Variants in R3HDM2 observed in about 807,000 individuals in gnomAD.
R3HDM2 encodes the protein R3H domain-containing protein 2.
Under a neutral mutation model 124.5 loss-of-function variants are expected in R3HDM2, and 38 were observed. That is an observed-to-expected ratio of 0.31 (90% confidence interval 0.24 to 0.40). R3HDM2 has a LOEUF of 0.40. R3HDM2 is among the 10% of genes least tolerant of loss of function. The pLI, the probability that R3HDM2 is intolerant of heterozygous loss-of-function variation, is 1.00. For missense variants in R3HDM2, 869 were observed against 1,236.9 expected (o/e 0.70, Z 4.46); for synonymous variants, 391 against 448.0 (o/e 0.87, Z 1.61).
rs181095933 is a variant in R3HDM2 at position 57,399,028 on chromosome 12, A to G, written c.-105-3210T>C. On this transcript the variant is annotated intron_variant, in intron 1 of 23. Transcript: ENST00000402412. Reference sequence around the variant, plus strand: ...GAGAATCACTGCTGATAAGACTTCTATGAAGGATTCCAAATGTCTTAAAGA... The same window carrying G: ...GAGAATCACTGCTGATAAGACTTCTGTGAAGGATTCCAAATGTCTTAAAGA... Among the ~76,000 whole-genome samples the G allele has an allele frequency of 1.3e-4, 20 of 152,336 alleles. No homozygotes were observed. In the East Asian group the frequency reaches 3.7e-3, roughly 28 times the overall value.
At chr12:57,377,670 A>G (rs548836198) in intron 2 of R3HDM2, among the ~76,000 whole-genome samples, 23 of 152,288 alleles carry the variant, frequency 1.5e-4, no homozygotes, top group African/African-American at 5.3e-4. Flanking sequence ...TTGGGCAGCA[A>G]GCCCCTTTTG....
At chr12:57,396,606 G>C (rs988539641) in intron 1 of R3HDM2, among the ~76,000 whole-genome samples, 1 of 151,722 alleles carries the variant, frequency 6.6e-6, no homozygotes, top group Non-Finnish European at 1.5e-5. Context: ...GTGAAACCCC[G>C]TCTCTACTGA....
chr12:57,392,512 T>A (rs999119178), intron 2 of R3HDM2, among the ~76,000 whole-genome samples: 45 of 152,272 alleles, frequency 3.0e-4, no homozygotes, highest in South Asian at 4.1e-4. Flanking sequence ...GCTTACCTCT[T>A]GGACCAGCAC....
rs1375121918 is a variant in R3HDM2, at chr12:57,254,624, A to G, written c.*149T>C. 1.5e-6 allele frequency: 1 copy of G among 675,074 alleles called. No individual in the cohort carries two copies. The highest frequency in any genetic ancestry group is 1.8e-5 in the African/African-American group (1 of 54,630). The allele number at this position is 675,074 out of a possible 1,614,324, so 41.8% of individuals were successfully genotyped here. ...GAAGGAGTCCAATGCCAGTGTAGGTATCTGTGTTTCCATCTTCATCACTGT... is the reference window on the plus strand; with the variant it reads ...GAAGGAGTCCAATGCCAGTGTAGGTGTCTGTGTTTCCATCTTCATCACTGT... On this transcript the variant is annotated 3_prime_UTR_variant, in exon 24 of 24. Coordinates refer to ENST00000402412, the MANE Select transcript of R3HDM2 (RefSeq NM_001394031.1).
At chr12:57,398,494 CTTT>C (rs988085269) in intron 1 of R3HDM2, among the ~76,000 whole-genome samples, 1 of 145,540 alleles carries the variant, frequency 6.9e-6, no homozygotes, top group Non-Finnish European at 1.5e-5. Flanking sequence ...CTTTCTCTCT[CTTT>C]TTTTTTTTTG....
chr12:57,397,713 T>C (rs2067690737), intron 1 of R3HDM2, among the ~76,000 whole-genome samples: 1 of 152,186 alleles, frequency 6.6e-6, no homozygotes, highest in Admixed American at 6.6e-5. Flanking sequence ...ACTAGTTTCC[T>C]TTCCCCATTG....
intron 11 of R3HDM2, among the ~76,000 whole-genome samples, chr12:57,291,929 A>G (rs1260781622): frequency 6.6e-6 from 1 of 152,254 alleles, no homozygotes; most frequent in East Asian, 1.9e-4. Flanking sequence ...TTTAAGAGTA[A>G]CATTGCCTAA....
In R3HDM2 at chr12:57,282,360, A is replaced by C. The variant is rs1356138908; in HGVS notation, c.1171+1464T>G. 5.3e-5 allele frequency among the ~76,000 whole-genome samples: 8 copies of C among 152,256 alleles called. No individual in the cohort carries two copies. The South Asian group carries it at 1.5e-3, about 28-fold the overall frequency. ...AGAAGGAAAGATCTGGAAATTAGAC[A>C]GCAATGGCAAACTGGAGTCAGGAAG... On this transcript the variant is annotated intron_variant, in intron 13 of 23. Transcript: ENST00000402412.
chr12:57,415,892 C>A (rs2069538104), intron 1 of R3HDM2, among the ~76,000 whole-genome samples: 1 of 152,098 alleles, frequency 6.6e-6, no homozygotes, highest in Admixed American at 6.6e-5. Flanking sequence ...GAGAACTGCT[C>A]TAGGTTAAAA....
At chr12:57,327,074 G>A (rs565773352) in intron 2 of R3HDM2, among the ~76,000 whole-genome samples, 5 of 152,206 alleles carry the variant, frequency 3.3e-5, no homozygotes, top group African/African-American at 1.2e-4. Flanking sequence ...TGTACAAGGA[G>A]ATTAATGTTA....
intron 1 of R3HDM2, among the ~76,000 whole-genome samples, chr12:57,401,398 C>T (rs2068037650): frequency 1.3e-5 from 2 of 152,074 alleles, no homozygotes; most frequent in Non-Finnish European, 2.9e-5. Flanking sequence ...TAGAGGACAG[C>T]TCTAGCCCAA....
chr12:57,331,150 A>C (rs2136611925), intron 2 of R3HDM2, among the ~76,000 whole-genome samples: 2 of 152,058 alleles, frequency 1.3e-5, no homozygotes, highest in Admixed American at 1.3e-4. Flanking sequence ...ACATCCCTCT[A>C]ATTGGTCTCT....
intron 1 of R3HDM2, among the ~76,000 whole-genome samples, chr12:57,397,479 A>G (rs375585624): frequency 1.4e-4 from 21 of 152,268 alleles, no homozygotes; most frequent in African/African-American, 4.6e-4. Flanking sequence ...TGCCCTCTTG[A>G]TATCTTAACA....
chr12:57,281,287 CAAAAAAA>C (rs71084737), intron 13 of R3HDM2, among the ~76,000 whole-genome samples: 3 of 81,992 alleles, frequency 3.7e-5, no homozygotes, highest in East Asian at 3.6e-4. Flanking sequence ...GACTCGGTCT[CAAAAAAA>C]AAAAAAAAAA....
chr12:57,391,564 C>T (rs1306371640), intron 2 of R3HDM2, among the ~76,000 whole-genome samples: 1 of 152,018 alleles, frequency 6.6e-6, no homozygotes, highest in Non-Finnish European at 1.5e-5. Context: ...ATTCAAACAC[C>T]GACATACACA....
chr12:57,421,489 C>T (rs7132367), intron 1 of R3HDM2, among the ~76,000 whole-genome samples: 61,115 of 140,026 alleles, frequency 0.44, 13,964 homozygotes, highest in South Asian at 0.53. Flanking sequence ...AGGGTCATCA[C>T]TTCTCTGCCT....
intron 2 of R3HDM2, among the ~76,000 whole-genome samples, chr12:57,385,083 T>C (rs1783700544): frequency 6.6e-6 from 1 of 150,960 alleles, no homozygotes; most frequent in East Asian, 2.0e-4. Flanking sequence ...GAGGTGGAGG[T>C]TGCAGTGAGC....
chr12:57,429,499 G>A (rs537726080), intron 1 of R3HDM2, among the ~76,000 whole-genome samples: 1 of 152,276 alleles, frequency 6.6e-6, no homozygotes, highest in African/African-American at 2.4e-5. Flanking sequence ...AAGGCAGGTG[G>A]ATCACTTGAG....
intron 3 of R3HDM2, chr12:57,305,715 G>A (rs2052433414): frequency 5.0e-6 from 2 of 398,630 alleles, no homozygotes; most frequent in Admixed American, 8.8e-5. Context: ...AAGTGTACTA[G>A]AGAGGTACTC....
Sources: allele counts gnomAD v4.1 joint callset (sites outside exome capture counted in the v4.1 genomes callset), GRCh38; gene constraint gnomAD v4.1.1; transcripts MANE v1.5; gene names NCBI Gene and HGNC (gene_info 2026-07-23, HGNC 2026-07-21).